CPPED1: variants seen among roughly 807,000 people sequenced by gnomAD.
The protein encoded by CPPED1 is serine/threonine-protein phosphatase CPPED1.
A neutral mutation model predicts 28.0 loss-of-function variants in CPPED1; 28 were observed. The ratio of observed to expected loss-of-function variants is 1.00; its 90% CI spans 0.74 to 1.37. CPPED1 has a LOEUF of 1.37. Ranked by LOEUF, CPPED1 falls within the 40% of genes most tolerant of loss-of-function variation. CPPED1 has a pLI of 0.00. For synonymous variants in CPPED1, 198 were observed against 180.2 expected, an observed-to-expected ratio of 1.10 and a Z score of -0.79; for missense variants, 504 against 416.5, an observed-to-expected ratio of 1.21 and a Z score of -1.83.
At chr16:12,681,583 C>T (rs2079905142) in intron 3 of CPPED1, among the ~76,000 whole-genome samples, 1 of 152,162 alleles carries the variant, frequency 6.6e-6, no homozygotes, top group African/African-American at 2.4e-5. Flanking sequence ...TTTCAAAGCT[C>T]CTCTTAATTA....
chr16:12,714,901 T>G (rs1019190103), intron 2 of CPPED1, among the ~76,000 whole-genome samples: 1 of 152,186 alleles, frequency 6.6e-6, no homozygotes, highest in Non-Finnish European at 1.5e-5. Flanking sequence ...TGCCTATGCT[T>G]TCTTCTAACA....
chr16:12,765,031 C>T (rs141694885), intron 2 of CPPED1, among the ~76,000 whole-genome samples: 6 of 152,296 alleles, frequency 3.9e-5, no homozygotes, highest in East Asian at 1.9e-4. Flanking sequence ...ACTATGTCCC[C>T]GCTAGCACTG....
chr16:12,751,956 G>T (rs990528854), intron 2 of CPPED1, among the ~76,000 whole-genome samples: 1 of 152,190 alleles, frequency 6.6e-6, no homozygotes, highest in African/African-American at 2.4e-5. Context: ...GTGCTAGGAA[G>T]CTCTGAATAG....
rs186751629 is a variant in CPPED1 at position 12,669,995 on chromosome 16, A to T, written c.716-4880T>A. Among the ~76,000 whole-genome samples the T allele has an allele frequency of 1.3e-3, 191 of 152,320 alleles. 1 individual carries two copies. Among genetic ancestry groups the T allele is most frequent in the African/African-American group, 4.4e-3 (181 of 41,582 alleles). Reference sequence around the variant, plus strand: ...AAACTAGTGTTGAATTACAACCCACAGTATAAAAAAATCCACGAGGCGGCC... The same window carrying T: ...AAACTAGTGTTGAATTACAACCCACTGTATAAAAAAATCCACGAGGCGGCC... On this transcript the variant is annotated intron_variant, in intron 3 of 3. Transcript: ENST00000381774.
At chr16:12,784,104 A>G (rs1257519686) in intron 1 of CPPED1, among the ~76,000 whole-genome samples, 1 of 152,234 alleles carries the variant, frequency 6.6e-6, no homozygotes, top group Non-Finnish European at 1.5e-5. Context: ...GAGTGGGCTA[A>G]AAGAAGACCA....
At chr16:12,750,478 C>T (rs947187881) in intron 2 of CPPED1, among the ~76,000 whole-genome samples, 1 of 152,062 alleles carries the variant, frequency 6.6e-6, no homozygotes, top group African/African-American at 2.4e-5. Context: ...AGGGAAATGG[C>T]CACTCAGTGG....
At chr16:12,715,486 C>T (rs1435182610) in intron 2 of CPPED1, among the ~76,000 whole-genome samples, 1 of 151,972 alleles carries the variant, frequency 6.6e-6, no homozygotes, top group Non-Finnish European at 1.5e-5. Flanking sequence ...ATGTTGAAAC[C>T]CCATCTCTAC....
At position 12,700,342 on chromosome 16, in the gene CPPED1, C is replaced by CAGAGCAGAG. The variant is rs2080013875; in HGVS notation, c.715+4273_715+4281dup. ...GACTTTGGAGAGCCAGCCTGGGGAC[C>CAGAGCAGAG]AGAGCAGAGAGAGGCACAAGTGGCT... On this transcript the variant is annotated intron_variant, in intron 3 of 3. Transcript: ENST00000381774. Among the ~76,000 whole-genome samples, 4 of 152,294 alleles carry CAGAGCAGAG rather than the reference C, an allele frequency of 2.6e-5. No homozygotes were observed. The South Asian group carries it at 8.3e-4, about 32-fold the overall frequency.
At chr16:12,695,832 G>C (rs940402031) in intron 3 of CPPED1, among the ~76,000 whole-genome samples, 1 of 152,068 alleles carries the variant, frequency 6.6e-6, no homozygotes, top group Non-Finnish European at 1.5e-5. Context: ...CCTCTATTCT[G>C]GTTCAGGGTC....
At chr16:12,688,527 T>TG (rs1257033027) in intron 3 of CPPED1, among the ~76,000 whole-genome samples, 1 of 152,030 alleles carries the variant, frequency 6.6e-6, no homozygotes, top group Non-Finnish European at 1.5e-5. Context: ...TTAGTAGAGA[T>TG]GGAGTTTTGC....
intron 1 of CPPED1, among the ~76,000 whole-genome samples, chr16:12,795,716 G>A (rs1024900280): frequency 6.6e-6 from 1 of 152,268 alleles, no homozygotes; most frequent in Admixed American, 6.5e-5. Flanking sequence ...CATGAGAGCA[G>A]TGGGTTGGAC....
chr16:12,660,172 G>A lies in CPPED1; in HGVS notation c.*4714C>T, dbSNP rs1318428020. ...GCCACTTTCAGGGGTGAGCGTTTGA[G>A]TGGATGTTGAAATGATGACAAGAAG... is the stretch of plus-strand genomic sequence containing the variant. On this transcript the variant is annotated 3_prime_UTR_variant, in exon 4 of 4. Transcript: ENST00000381774. The A allele has an allele frequency of 6.6e-6, 1 of 152,202 alleles. No individual in the cohort carries two copies. The highest frequency in any genetic ancestry group is 1.5e-5 in the Non-Finnish European group (1 of 68,054). The allele number at this position is 152,202 out of a possible 1,614,324, so 9.4% of individuals were successfully genotyped here.
intron 3 of CPPED1, among the ~76,000 whole-genome samples, chr16:12,694,554 G>T (rs987209981): frequency 1.3e-5 from 2 of 152,060 alleles, no homozygotes; most frequent in Admixed American, 6.6e-5. Context: ...ATGAGAATCA[G>T]ACATTAAATG....
intron 3 of CPPED1, among the ~76,000 whole-genome samples, chr16:12,666,467 C>T (rs555824043): frequency 1.3e-5 from 2 of 152,320 alleles, no homozygotes; most frequent in African/African-American, 4.8e-5. Context: ...CTGAAGAACG[C>T]TGCTGCTGCC....
At chr16:12,783,149 G>C (rs1187000669) in intron 1 of CPPED1, among the ~76,000 whole-genome samples, 1 of 152,156 alleles carries the variant, frequency 6.6e-6, no homozygotes, top group African/African-American at 2.4e-5. Context: ...AACAAGCAGG[G>C]AATAGAATCA....
chr16:12,778,843 C>G lies in CPPED1; in HGVS notation c.289+2342G>C, dbSNP rs574264073. ...CCTTTCACTGGTTCAATTAAAACCC[C>G]AGAAAACAGTCCAAGTCTCCAGAAC... On this transcript the variant is annotated intron_variant, in intron 2 of 3. Coordinates refer to ENST00000381774, the MANE Select transcript of CPPED1 (RefSeq NM_018340.3). Among the ~76,000 whole-genome samples, 4 of 152,258 alleles carry G rather than the reference C, an allele frequency of 2.6e-5. No homozygotes were observed. The South Asian group carries it at 6.2e-4, about 24-fold the overall frequency.
intron 3 of CPPED1, among the ~76,000 whole-genome samples, chr16:12,681,141 G>C (rs2079902827): frequency 8.3e-6 from 1 of 120,360 alleles, no homozygotes; most frequent in African/African-American, 3.4e-5. Context: ...CCCCCGTAAA[G>C]AATAGCCATG....
At chr16:12,668,754 G>T (rs2079839056) in intron 3 of CPPED1, among the ~76,000 whole-genome samples, 1 of 152,212 alleles carries the variant, frequency 6.6e-6, no homozygotes, top group Non-Finnish European at 1.5e-5. Context: ...TTTATCTTTA[G>T]GGAAATGCGA....
intron 2 of CPPED1, among the ~76,000 whole-genome samples, chr16:12,735,449 C>T (rs923727642): frequency 2.6e-5 from 4 of 152,198 alleles, no homozygotes; most frequent in Non-Finnish European, 4.4e-5. Flanking sequence ...GGATTACAGG[C>T]GCACATTACC....
Sources: allele counts gnomAD v4.1 joint callset (sites outside exome capture counted in the v4.1 genomes callset), GRCh38; gene constraint gnomAD v4.1.1; transcripts MANE v1.5; gene names NCBI Gene and HGNC (gene_info 2026-07-23, HGNC 2026-07-21).